TAF3: variants seen among roughly 807,000 people sequenced by gnomAD.
TAF3 encodes TATA-box binding protein associated factor 3.
A neutral mutation model predicts 80.6 loss-of-function variants in TAF3; 7 were observed. The ratio of observed to expected loss-of-function variants is 0.09; its 90% CI spans 0.05 to 0.16. The LOEUF is 0.16. Ranked by LOEUF, TAF3 falls within the 10% of genes least tolerant of loss-of-function variation. The pLI is 1.00. For synonymous variants in TAF3, 444 were observed against 446.1 expected, an observed-to-expected ratio of 1.00 and a Z score of 0.06; for missense variants, 921 against 1,140.2, an observed-to-expected ratio of 0.81 and a Z score of 2.77.
At chr10:7,851,574 G>A (rs553303337) in intron 2 of TAF3, among the ~76,000 whole-genome samples, 3 of 152,046 alleles carry the variant, frequency 2.0e-5, no homozygotes, top group South Asian at 2.1e-4. Flanking sequence ...ATTAACTTCC[G>A]TCATCACCCA....
intron 2 of TAF3, among the ~76,000 whole-genome samples, chr10:7,845,538 G>A (rs781433885): frequency 3.3e-5 from 5 of 152,212 alleles, no homozygotes; most frequent in East Asian, 1.9e-4. Context: ...ATGTGGAAGC[G>A]AGAATGTGTT....
At chr10:7,978,219 T>C (rs1203533278) in intron 4 of TAF3, among the ~76,000 whole-genome samples, 1 of 152,230 alleles carries the variant, frequency 6.6e-6, no homozygotes, top group African/African-American at 2.4e-5. Flanking sequence ...TACATTCAAT[T>C]TTTAGCCATA....
intron 2 of TAF3, among the ~76,000 whole-genome samples, chr10:7,861,413 G>A (rs1026330591): frequency 3.3e-5 from 5 of 152,154 alleles, no homozygotes; most frequent in Non-Finnish European, 7.3e-5. Context: ...GCCAACAGGA[G>A]CCTTTTCATC....
intron 1 of TAF3, among the ~76,000 whole-genome samples, chr10:7,821,003 A>T (rs1232832709): frequency 6.6e-6 from 1 of 152,194 alleles, no homozygotes; most frequent in Non-Finnish European, 1.5e-5. Context: ...ATCTTTAGAT[A>T]TTCAAAATGT....
intron 2 of TAF3, among the ~76,000 whole-genome samples, chr10:7,951,330 G>A (rs1421908572): frequency 6.6e-6 from 1 of 152,196 alleles, no homozygotes; most frequent in Non-Finnish European, 1.5e-5. Flanking sequence ...CAGCCATGCG[G>A]CTCTTCTGCT....
chr10:7,915,909 C>T (rs544934876), intron 2 of TAF3, among the ~76,000 whole-genome samples: 72 of 150,978 alleles, frequency 4.8e-4, no homozygotes, highest in Non-Finnish European at 8.2e-4. Flanking sequence ...ATCTGGGAGG[C>T]AGAGAGTGCA....
intron 2 of TAF3, among the ~76,000 whole-genome samples, chr10:7,832,962 G>GATC (rs1161532836): frequency 6.6e-6 from 1 of 152,122 alleles, no homozygotes; most frequent in African/African-American, 2.4e-5. Context: ...TTGGGAGTCT[G>GATC]AGGCAGGAGG....
intron 3 of TAF3, among the ~76,000 whole-genome samples, chr10:7,968,381 G>T (rs538032627): frequency 3.5e-4 from 53 of 152,318 alleles, no homozygotes; most frequent in African/African-American, 1.2e-3. Context: ...TTATAAAGCT[G>T]ATACCAAGAA....
chr10:7,840,436 G>A (rs1271871196), intron 2 of TAF3, among the ~76,000 whole-genome samples: 2 of 151,278 alleles, frequency 1.3e-5, no homozygotes, highest in East Asian at 3.9e-4. Flanking sequence ...ACAAGCATGA[G>A]CCACCGCGCC....
At chr10:7,848,297 C>T (rs1836992320) in intron 2 of TAF3, among the ~76,000 whole-genome samples, 1 of 152,112 alleles carries the variant, frequency 6.6e-6, no homozygotes, top group Non-Finnish European at 1.5e-5. Context: ...CTGACATACA[C>T]AATTGGGAAT....
intron 2 of TAF3, among the ~76,000 whole-genome samples, chr10:7,875,455 T>C (rs1011078386): frequency 1.3e-5 from 2 of 152,184 alleles, no homozygotes; most frequent in South Asian, 2.1e-4. Context: ...CTGGATTAGA[T>C]TGATTGTGTT....
intron 2 of TAF3, among the ~76,000 whole-genome samples, chr10:7,939,614 ACACAC>A (rs1281900205): frequency 6.8e-6 from 1 of 146,374 alleles, no homozygotes; most frequent in East Asian, 2.0e-4. Flanking sequence ...ACACACACAC[ACACAC>A]ACCTCTACCT....
At chr10:7,966,879 T>A (rs1307951990) in intron 3 of TAF3, among the ~76,000 whole-genome samples, 1 of 152,210 alleles carries the variant, frequency 6.6e-6, no homozygotes, top group Non-Finnish European at 1.5e-5. Context: ...AAAAGTGAAA[T>A]GGGAATTCTG....
chr10:7,962,164 T>G (rs2131410949), intron 2 of TAF3, among the ~76,000 whole-genome samples: 1 of 152,344 alleles, frequency 6.6e-6, no homozygotes, highest in Non-Finnish European at 1.5e-5. Flanking sequence ...CTCAAAGCTT[T>G]GAAATTGTGT....
chr10:7,924,598 C>G (rs1252653050), intron 2 of TAF3, among the ~76,000 whole-genome samples: 1 of 152,158 alleles, frequency 6.6e-6, no homozygotes. Context: ...TTTGGTAGAA[C>G]TTAAGAATGC....
chr10:7,923,616 C>T (rs902900037), intron 2 of TAF3, among the ~76,000 whole-genome samples: 1 of 151,378 alleles, frequency 6.6e-6, no homozygotes, highest in Non-Finnish European at 1.5e-5. Context: ...AAAAAAACCC[C>T]TCCCCCAACA....
At chr10:7,827,621 G>A (rs1474383673) in intron 2 of TAF3, among the ~76,000 whole-genome samples, 1 of 151,922 alleles carries the variant, frequency 6.6e-6, no homozygotes, top group Non-Finnish European at 1.5e-5. Context: ...CTCTACTAAA[G>A]ATACAAATAT....
At chr10:7,904,374 G>C (rs1837587621) in intron 2 of TAF3, among the ~76,000 whole-genome samples, 1 of 152,132 alleles carries the variant, frequency 6.6e-6, no homozygotes, top group South Asian at 2.1e-4. Context: ...AATGATCTTT[G>C]ATGTATTTTT....
chr10:7,871,200 A>G (rs1468441182), intron 2 of TAF3, among the ~76,000 whole-genome samples: 2 of 152,022 alleles, frequency 1.3e-5, no homozygotes, highest in South Asian at 2.1e-4. Flanking sequence ...AAGTCTTGTT[A>G]TTTCTTGTAA....
Sources: allele counts gnomAD v4.1 joint callset (sites outside exome capture counted in the v4.1 genomes callset), GRCh38; gene constraint gnomAD v4.1.1; transcripts MANE v1.5; gene names NCBI Gene and HGNC (gene_info 2026-07-23, HGNC 2026-07-21).